GNG7: variants seen among roughly 807,000 people sequenced by gnomAD.
The protein encoded by GNG7 is guanine nucleotide-binding protein G(I)/G(S)/G(O) subunit gamma-7.
Under a neutral mutation model 4.0 loss-of-function variants are expected in GNG7, and 1 was observed. The ratio of observed to expected loss-of-function variants is 0.25; its 90% CI spans 0.09 to 1.18. The LOEUF (loss-of-function observed/expected upper bound fraction) is 1.18. Among genes scored for constraint, GNG7 ranks in the 50% most tolerant of loss-of-function variants. The pLI, the probability that GNG7 is intolerant of heterozygous loss-of-function variation, is 0.50. For synonymous variants in GNG7, 34 were observed against 36.9 expected (o/e 0.92, Z 0.29); for missense variants, 86 against 91.9 (o/e 0.94, Z 0.26).
At chr19:2,568,165 A>G (rs1215373140) in intron 2 of GNG7, among the ~76,000 whole-genome samples, 2 of 151,336 alleles carry the variant, frequency 1.3e-5, no homozygotes, top group Non-Finnish European at 2.9e-5. Flanking sequence ...ATACACATAC[A>G]TACACACACA....
Position 2,568,735 on chromosome 19 carries a change from TACATACATACAC to T in GNG7, c.-77-13559_-77-13548del, listed in dbSNP as rs1474118973. ...ACACATATACACATACAGACACATA[TACATACATACAC>T]ACATACACACATACACATATACACA... On this transcript the variant is annotated intron_variant, in intron 2 of 4. Coordinates refer to ENST00000382159, the MANE Select transcript of GNG7 (RefSeq NM_052847.3). Among the ~76,000 whole-genome samples, 12 of 73,372 alleles carry T rather than the reference TACATACATACAC, an allele frequency of 1.6e-4. No homozygotes were observed. In the South Asian group the frequency reaches 2.2e-3, roughly 14 times the overall value. 48.1% of individuals were successfully genotyped at this position (73,372 alleles called of 152,430 possible).
At chr19:2,577,692 T>G (rs1349482247) in intron 2 of GNG7, among the ~76,000 whole-genome samples, 1 of 78,100 alleles carries the variant, frequency 1.3e-5, no homozygotes, top group African/African-American at 5.8e-5. Flanking sequence ...CAGAGCAAGA[T>G]TCCATCTCAA....
intron 2 of GNG7, among the ~76,000 whole-genome samples, chr19:2,584,121 G>T (rs1185165669): frequency 7.2e-5 from 11 of 151,880 alleles, no homozygotes; most frequent in Admixed American, 7.2e-4. Context: ...GAAACTCAAA[G>T]AATTATGGCA....
At chr19:2,635,755 G>A (rs1024797573) in intron 2 of GNG7, among the ~76,000 whole-genome samples, 4 of 152,096 alleles carry the variant, frequency 2.6e-5, no homozygotes, top group Admixed American at 2.6e-4. Context: ...GCTAATTTTT[G>A]TATTTTTAGT....
At chr19:2,628,684 C>T (rs963504589) in intron 2 of GNG7, among the ~76,000 whole-genome samples, 1 of 149,916 alleles carries the variant, frequency 6.7e-6, no homozygotes, top group African/African-American at 2.5e-5. Flanking sequence ...TCCCCTCTTC[C>T]CTCCCCCAGC....
chr19:2,593,491 C>T (rs553477404), intron 2 of GNG7, among the ~76,000 whole-genome samples: 2 of 152,250 alleles, frequency 1.3e-5, no homozygotes, highest in Non-Finnish European at 2.9e-5. Flanking sequence ...CACCTGTAAT[C>T]CCAGCACTTT....
At chr19:2,560,189 A>C (rs1277282441) in intron 2 of GNG7, among the ~76,000 whole-genome samples, 3 of 152,052 alleles carry the variant, frequency 2.0e-5, no homozygotes, top group Non-Finnish European at 4.4e-5. Flanking sequence ...TCACAAATAC[A>C]CACCAAGCCG....
chr19:2,532,694 G>C (rs979140608), intron 3 of GNG7, among the ~76,000 whole-genome samples: 1 of 152,142 alleles, frequency 6.6e-6, no homozygotes, highest in Non-Finnish European at 1.5e-5. Context: ...CACATGAAAT[G>C]GTGTCTAATG....
rs540047296 is a variant in GNG7, at chr19:2,615,116, G to A, written c.-78+31108C>T. 2.6e-3 allele frequency among the ~76,000 whole-genome samples: 389 copies of A among 152,240 alleles called. 5 individuals are homozygous for A. Among genetic ancestry groups the A allele is most frequent in the African/African-American group, 8.5e-3 (355 of 41,542 alleles). ...TAGCCCCGCTTTCTAGGCCACTTTC[G>A]GGGTACTGGGCGGCCACTGTCTGGT... On this transcript the variant is annotated intron_variant, in intron 2 of 4. Transcript: ENST00000382159.
At chr19:2,610,190 T>C (rs1329442987) in intron 2 of GNG7, 2 of 151,738 alleles carry the variant, frequency 1.3e-5, no homozygotes, top group East Asian at 3.9e-4. Flanking sequence ...AGACAGGGTC[T>C]CACCCTGTCG....
At chr19:2,670,218 C>A (rs113320934) in intron 1 of GNG7, among the ~76,000 whole-genome samples, 101 of 152,262 alleles carry the variant, frequency 6.6e-4, no homozygotes, top group African/African-American at 2.3e-3. Flanking sequence ...TAAGCTCTGT[C>A]TGGTGCAGCC....
intron 1 of GNG7, among the ~76,000 whole-genome samples, chr19:2,696,868 G>T (rs772077799): frequency 1.3e-5 from 2 of 152,070 alleles, no homozygotes; most frequent in Admixed American, 6.6e-5. Flanking sequence ...ATGTTTTTTT[G>T]TTTGTTTGTT....
chr19:2,596,638 C>T (rs991737410), intron 2 of GNG7, among the ~76,000 whole-genome samples: 14 of 151,060 alleles, frequency 9.3e-5, no homozygotes, highest in Non-Finnish European at 1.5e-5. Flanking sequence ...CACTGCACTC[C>T]AGCCTGGGTG....
intron 1 of GNG7, among the ~76,000 whole-genome samples, chr19:2,684,195 G>A (rs1339823395): frequency 1.3e-5 from 2 of 148,336 alleles, no homozygotes; most frequent in African/African-American, 5.0e-5. Context: ...GGAGTGCAAT[G>A]GTGCGATCTC....
chr19:2,620,191 CA>C, intron 2 of GNG7, among the ~76,000 whole-genome samples: 1 of 122,492 alleles, frequency 8.2e-6, no homozygotes, highest in African/African-American at 3.1e-5. Flanking sequence ...GCAACAAGAG[CA>C]AAACTCTGTC....
intron 2 of GNG7, among the ~76,000 whole-genome samples, chr19:2,635,658 C>T (rs2144847757): frequency 6.6e-6 from 1 of 151,752 alleles, no homozygotes; most frequent in African/African-American, 2.4e-5. Context: ...TCTCGGCTCA[C>T]TGCAACCTCT....
intron 2 of GNG7, among the ~76,000 whole-genome samples, chr19:2,573,064 C>T (rs1231790723): frequency 7.7e-5 from 11 of 143,194 alleles, no homozygotes; most frequent in Admixed American, 5.7e-4. Context: ...CTTGCCCCGT[C>T]GCCTAGGCTG....
chr19:2,657,827 C>T (rs1033917761), intron 1 of GNG7, among the ~76,000 whole-genome samples: 1 of 152,098 alleles, frequency 6.6e-6, no homozygotes, highest in Non-Finnish European at 1.5e-5. Context: ...GCTCTGCCTT[C>T]GAGATAGCAG....
chr19:2,629,183 C>A (rs1279897732), intron 2 of GNG7, among the ~76,000 whole-genome samples: 1 of 152,170 alleles, frequency 6.6e-6, no homozygotes, highest in African/African-American at 2.4e-5. Flanking sequence ...TTGAGGTGAA[C>A]AACTGGATAT....
Sources: allele counts gnomAD v4.1 joint callset (sites outside exome capture counted in the v4.1 genomes callset), GRCh38; gene constraint gnomAD v4.1.1; transcripts MANE v1.5; gene names NCBI Gene and HGNC (gene_info 2026-07-23, HGNC 2026-07-21).